SLC2A12: variants seen among roughly 807,000 people sequenced by gnomAD.
SLC2A12 encodes the protein solute carrier family 2 member 12.
SLC2A12 carries 23 observed loss-of-function variants against 41.8 expected under a neutral mutation model. The observed-to-expected ratio is 0.55, with a 90% CI of 0.40 to 0.78. The LOEUF (loss-of-function observed/expected upper bound fraction) is 0.78, where lower values mean the gene tolerates loss of function less well. Among genes scored for constraint, SLC2A12 ranks in the 30% least tolerant of loss-of-function variants. SLC2A12 has a pLI of 0.00. For missense variants in SLC2A12, 654 were observed against 745.6 expected, an observed-to-expected ratio of 0.88 and a Z score of 1.43; for synonymous variants, 295 against 285.9, an observed-to-expected ratio of 1.03 and a Z score of -0.32.
chr6:134,027,507 G>A lies in SLC2A12; in HGVS notation c.1444+874C>T, dbSNP rs528585760. ...AGAAAGGAAGGAGAGGAATAAAAGAGAAAGAGAGAGAGAGGAATGGGGTAG... is the reference window on the plus strand; with the variant it reads ...AGAAAGGAAGGAGAGGAATAAAAGAAAAAGAGAGAGAGAGGAATGGGGTAG... On this transcript the variant is annotated intron_variant, in intron 2 of 4. Coordinates refer to ENST00000275230, the MANE Select transcript of SLC2A12 (RefSeq NM_145176.3). Among the ~76,000 whole-genome samples the A allele has an allele frequency of 3.3e-5, 5 of 152,190 alleles. No homozygotes were observed. The East Asian group carries it at 9.7e-4, about 29-fold the overall frequency.
chr6:134,031,209 T>G (rs1009227768), intron 1 of SLC2A12, among the ~76,000 whole-genome samples: 12 of 152,078 alleles, frequency 7.9e-5, no homozygotes, highest in African/African-American at 2.4e-4. Context: ...CTGGCCAACA[T>G]GGCAAAACCC....
intron 4 of SLC2A12, among the ~76,000 whole-genome samples, chr6:133,997,038 G>A (rs992659585): frequency 3.7e-5 from 5 of 134,002 alleles, no homozygotes; most frequent in African/African-American, 1.2e-4. Context: ...TCAGGAGATC[G>A]AGACAATCCT....
intron 1 of SLC2A12, among the ~76,000 whole-genome samples, chr6:134,034,516 C>A (rs1192856915): frequency 6.6e-6 from 1 of 152,174 alleles, no homozygotes; most frequent in African/African-American, 2.4e-5. Flanking sequence ...GGAAGTTTTC[C>A]TGGTGCTACT....
chr6:134,029,566 C>T lies in SLC2A12; in HGVS notation c.259G>A (p.Val87Ile), dbSNP rs147475994. 1.2e-5 allele frequency: 20 copies of T among 1,613,962 alleles called. No homozygotes were observed. The highest frequency in any genetic ancestry group is 6.7e-5 in the East Asian group (3 of 44,880). Residue 87 changes from valine (V) to isoleucine (I), a missense_variant, in exon 2 of 5, where the codon GTC becomes ATC. Transcript: ENST00000275230. Reference protein sequence around the residue: ...HEQEMVVSSLVIGALLASLTG... With the variant: ...HEQEMVVSSLIIGALLASLTG... ...AGTGAGGCAAGGAGGGCTCCAATGA[C>T]GAGGGAGCTCACAACCATTTCCTGC...
intron 4 of SLC2A12, among the ~76,000 whole-genome samples, chr6:133,996,531 C>T (rs1776689362): frequency 6.6e-6 from 1 of 152,212 alleles, no homozygotes; most frequent in Non-Finnish European, 1.5e-5. Flanking sequence ...TAGAACCCAG[C>T]TCCAAATGTA....
chr6:134,011,281 A>C (rs1776878126), intron 2 of SLC2A12, among the ~76,000 whole-genome samples: 1 of 152,106 alleles, frequency 6.6e-6, no homozygotes, highest in Non-Finnish European at 1.5e-5. Context: ...CAGATGTTTA[A>C]ATTCTGGCCT....
intron 1 of SLC2A12, among the ~76,000 whole-genome samples, chr6:134,042,618 C>A (rs1025536120): frequency 1.3e-5 from 2 of 151,040 alleles, no homozygotes; most frequent in Admixed American, 1.3e-4. Flanking sequence ...AAGGGAGAGA[C>A]ACCAAGAGCT....
chr6:134,021,584 G>A (rs1204835187), intron 2 of SLC2A12, among the ~76,000 whole-genome samples: 1 of 152,100 alleles, frequency 6.6e-6, no homozygotes, highest in Non-Finnish European at 1.5e-5. Flanking sequence ...CATCTGATGT[G>A]CACCTGTACT....
At position 134,035,358 on chromosome 6, in the gene SLC2A12, C is replaced by T. The variant is rs190328491; in HGVS notation, c.104-5637G>A. ...ATAAAACCTAAAAAGGTCACTCTCTCCCTTTTCCCTTGAAAACCTTATTTC... is the reference window on the plus strand; with the variant it reads ...ATAAAACCTAAAAAGGTCACTCTCTTCCTTTTCCCTTGAAAACCTTATTTC... On this transcript the variant is annotated intron_variant, in intron 1 of 4. Coordinates refer to ENST00000275230, the MANE Select transcript of SLC2A12 (RefSeq NM_145176.3). Among the ~76,000 whole-genome samples, 166 of 152,186 alleles carry T rather than the reference C, an allele frequency of 1.1e-3. 1 individual carries two copies. The highest frequency in any genetic ancestry group is 8.5e-4 in the Non-Finnish European group (58 of 68,022).
chr6:134,031,931 A>T (rs1777214066), intron 1 of SLC2A12, among the ~76,000 whole-genome samples: 1 of 152,194 alleles, frequency 6.6e-6, no homozygotes, highest in Non-Finnish European at 1.5e-5. Context: ...GACCTAGGCA[A>T]TGCCAATATT....
At chr6:134,008,548 T>C (rs1776842017) in intron 2 of SLC2A12, among the ~76,000 whole-genome samples, 1 of 152,208 alleles carries the variant, frequency 6.6e-6, no homozygotes, top group African/African-American at 2.4e-5. Flanking sequence ...AGACCTTCAC[T>C]AGATTCTTGC....
chr6:134,013,161 C>T (rs528159355), intron 2 of SLC2A12, among the ~76,000 whole-genome samples: 2 of 152,222 alleles, frequency 1.3e-5, no homozygotes, highest in South Asian at 2.1e-4. Flanking sequence ...CATGGTGGCT[C>T]ATGCCTGTAA....
At chr6:133,994,967 G>A (rs1428861388) in intron 4 of SLC2A12, among the ~76,000 whole-genome samples, 2 of 152,144 alleles carry the variant, frequency 1.3e-5, no homozygotes, top group Non-Finnish European at 2.9e-5. Context: ...AATCTAAGAT[G>A]AGGAGTGAGA....
chr6:134,036,636 A>C (rs1233855892), intron 1 of SLC2A12, among the ~76,000 whole-genome samples: 1 of 152,218 alleles, frequency 6.6e-6, no homozygotes, highest in Non-Finnish European at 1.5e-5. Flanking sequence ...CGAGTGAATG[A>C]ATGAATGAAT....
In SLC2A12 at chr6:134,041,655, A is replaced by G. The variant is rs572350627; in HGVS notation, c.103+10723T>C. Among the ~76,000 whole-genome samples the G allele has an allele frequency of 3.3e-5, 5 of 152,208 alleles. No homozygotes were observed. In the South Asian group the frequency reaches 1.0e-3, roughly 32 times the overall value. ...CTTGGTGAAGGTTCCATCTCTGTCAAATGAGGATGCACAGCGGCAGTCTAC... is the reference window on the plus strand; with the variant it reads ...CTTGGTGAAGGTTCCATCTCTGTCAGATGAGGATGCACAGCGGCAGTCTAC... On this transcript the variant is annotated intron_variant, in intron 1 of 4. Transcript: ENST00000275230.
At chr6:134,034,525 C>A (rs1490358515) in intron 1 of SLC2A12, among the ~76,000 whole-genome samples, 1 of 152,186 alleles carries the variant, frequency 6.6e-6, no homozygotes, top group Non-Finnish European at 1.5e-5. Flanking sequence ...CCTGGTGCTA[C>A]TTTACAAAGA....
intron 1 of SLC2A12, among the ~76,000 whole-genome samples, chr6:134,035,151 CAAAAAAAAAAA>C (rs71003662): frequency 8.3e-5 from 9 of 107,912 alleles, no homozygotes; most frequent in African/African-American, 1.6e-4. Flanking sequence ...GGCTGCCTGA[CAAAAAAAAAAA>C]AAAAAAAAAA....
intron 4 of SLC2A12, among the ~76,000 whole-genome samples, chr6:133,992,787 A>C (rs1363353367): frequency 6.6e-6 from 1 of 152,168 alleles, no homozygotes; most frequent in Non-Finnish European, 1.5e-5. Context: ...AAGTGCCAGT[A>C]CTTGAGGAAG....
intron 2 of SLC2A12, among the ~76,000 whole-genome samples, chr6:134,019,609 A>G (rs1203849028): frequency 2.6e-5 from 4 of 152,210 alleles, no homozygotes; most frequent in African/African-American, 9.7e-5. Flanking sequence ...GGGTTTTAAT[A>G]TTAGCTACAG....
Sources: gnomAD v4.1 joint callset for allele counts (sites outside exome capture counted in the v4.1 genomes callset) on GRCh38, gnomAD v4.1.1 for gene constraint, MANE v1.5 for transcripts, NCBI Gene and HGNC (gene_info 2026-07-23, HGNC 2026-07-21) for gene names.